Variants in MPHOSPH9 observed in about 807,000 individuals in gnomAD.
MPHOSPH9 encodes M-phase phosphoprotein 9.
MPHOSPH9 carries 88 observed loss-of-function variants against 145.5 expected under a neutral mutation model. The ratio of observed to expected loss-of-function variants is 0.60; its 90% confidence interval spans 0.51 to 0.72. The LOEUF is 0.72. Among genes scored for constraint, MPHOSPH9 ranks in the 30% least tolerant of loss-of-function variants. MPHOSPH9 has a pLI of 0.00. For synonymous variants in MPHOSPH9, 435 were observed against 486.2 expected, an observed-to-expected ratio of 0.89 and a Z score of 1.39; for missense variants, 1,238 against 1,386.6, an observed-to-expected ratio of 0.89 and a Z score of 1.70.
upstream of MPHOSPH9, among the ~76,000 whole-genome samples, chr12:123,236,945 C>T (rs1259191481): frequency 4.0e-5 from 6 of 151,890 alleles, no homozygotes; most frequent in African/African-American, 1.5e-4. Flanking sequence ...ATTAGCCAAG[C>T]GTGGCGGCAT....
At chr12:123,170,793 T>C (rs1487069478) in intron 16 of MPHOSPH9, among the ~76,000 whole-genome samples, 1 of 152,232 alleles carries the variant, frequency 6.6e-6, no homozygotes, top group African/African-American at 2.4e-5. Flanking sequence ...CATGCAACTG[T>C]GGGATTTGGT....
Position 123,156,867 on chromosome 12 carries a change from C to G in MPHOSPH9, c.3492G>C (p.Leu1164=). 6.2e-7 allele frequency: 1 copy of G among 1,611,354 alleles called. No individual in the cohort carries two copies. Among genetic ancestry groups the G allele is most frequent in the Non-Finnish European group, 8.5e-7 (1 of 1,177,900 alleles). The change falls in exon 24 of 24, where the codon CTG becomes CTC. Residue 1164 remains leucine (L), a synonymous_variant. Coordinates refer to ENST00000606320, the MANE Select transcript of MPHOSPH9 (RefSeq NM_022782.4). ...TCTTTAGCGTCATGCGAACTGAACC[C>G]AGTTCTCGATTAATCCTTTCCAAAC... is the stretch of plus-strand genomic sequence containing the variant. ...EDRLERINRE[L]GSVRMTLKKF...
Position 123,179,898 on chromosome 12 carries a change from T to C in MPHOSPH9, c.2354+28A>G, listed in dbSNP as rs747078320. The C allele has an allele frequency of 3.3e-6, 4 of 1,195,042 alleles. No individual in the cohort carries two copies. In the African/African-American group the frequency reaches 6.2e-5, roughly 18 times the overall value. The allele number at this position is 1,195,042 out of a possible 1,614,324, so 74.0% of individuals were successfully genotyped here. A position where few individuals can be genotyped will look rare whatever the true frequency, so the allele number is the denominator to read the frequency against. ...CACATAAAAGAACAATTGAGGTATGTGTACATTAGTAAGTTAATACATTTT... is the reference window on the plus strand; with the variant it reads ...CACATAAAAGAACAATTGAGGTATGCGTACATTAGTAAGTTAATACATTTT... On this transcript the variant is annotated intron_variant, in intron 15 of 23. Transcript: ENST00000606320.
intron 7 of MPHOSPH9, among the ~76,000 whole-genome samples, chr12:123,212,658 C>T (rs544768343): frequency 3.0e-4 from 43 of 144,210 alleles, no homozygotes; most frequent in African/African-American, 1.1e-3. Context: ...TTACAGTAAG[C>T]CGAGATCACA....
chr12:123,227,599 C>T lies in MPHOSPH9; in HGVS notation c.122G>A (p.Ser41Asn). ...TGAGAAAGAGGATACCCCATTTGTA[C>T]TAAGGTGGGGACTACTTCTGTTGAA... ...LNTDRSSPHL[S>N]TNGVSSFSGK... The change falls in exon 3 of 24, where the codon AGT (serine) becomes AAT (asparagine). Residue 41 changes from serine to asparagine, a missense_variant. By Grantham distance (46) the Ser-to-Asn change is conservative. Transcript: ENST00000606320. 6.6e-7 allele frequency: 1 copy of T among 1,524,064 alleles called. No homozygotes were observed. Among genetic ancestry groups the T allele is most frequent in the South Asian group, 1.2e-5 (1 of 82,020 alleles). 94.4% of individuals were successfully genotyped at this position (1,524,064 alleles called of 1,614,324 possible). A position where few individuals can be genotyped will look rare whatever the true frequency, so the allele number is the denominator to read the frequency against.
chr12:123,202,551 C>A, intron 10 of MPHOSPH9, 73 bp downstream of exon 10: 1 of 1,419,296 alleles, frequency 7.0e-7, no homozygotes, highest in East Asian at 2.4e-5. Flanking sequence ...TACTGAAGTT[C>A]AATAAAGATC....
Position 123,156,865 on chromosome 12 carries a change from C to T in MPHOSPH9, c.3494G>A (p.Gly1165Asp), listed in dbSNP as rs1465480535. 1.2e-6 allele frequency: 2 copies of T among 1,611,296 alleles called. No homozygotes were observed. The highest frequency in any genetic ancestry group is 1.7e-5 in the Admixed American group (1 of 60,008). Residue 1165 changes from glycine to aspartate, a missense_variant, in exon 24 of 24, where the codon GGT becomes GAT. Gly to Asp is a moderately conservative substitution (Grantham distance 94, BLOSUM62 -1). Transcript: ENST00000606320. The part of the protein sequence containing the change: ...DRLERINREL[G>D]SVRMTLKKFH... ...TTTCTTTAGCGTCATGCGAACTGAA[C>T]CCAGTTCTCGATTAATCCTTTCCAA... is the stretch of plus-strand genomic sequence containing the variant.
At chr12:123,193,659 T>G (rs1374085078) in intron 13 of MPHOSPH9, among the ~76,000 whole-genome samples, 1 of 152,136 alleles carries the variant, frequency 6.6e-6, no homozygotes, top group Non-Finnish European at 1.5e-5. Flanking sequence ...ATAAGCAACC[T>G]GAAACCTAAT....
intron 1 of MPHOSPH9, among the ~76,000 whole-genome samples, chr12:123,232,195 G>A (rs554044709): frequency 3.0e-4 from 45 of 151,876 alleles, no homozygotes; most frequent in African/African-American, 8.7e-4. Context: ...AAGCTCTCCA[G>A]GGAGATGAAC....
intron 23 of MPHOSPH9, among the ~76,000 whole-genome samples, chr12:123,157,466 TA>T (rs1162022554): frequency 1.3e-5 from 2 of 152,148 alleles, no homozygotes; most frequent in Non-Finnish European, 1.5e-5. Context: ...ACCTGGACTA[TA>T]TATCATTATA....
Position 123,230,394 on chromosome 12 carries a change from T to TAA in MPHOSPH9, c.-31_-30insTT. 1 of 1,373,020 alleles carries TAA rather than the reference T, an allele frequency of 7.3e-7. No homozygotes were observed. Among genetic ancestry groups the TAA allele is most frequent in the Non-Finnish European group, 9.9e-7 (1 of 1,014,000 alleles). 85.1% of individuals were successfully genotyped at this position (1,373,020 alleles called of 1,614,324 possible). ...TACAGAAATTGTTATATTCTCTTAT[T>TAA]GGAAAATAAAGGTTCTTGGGCTGTT... On this transcript the variant is annotated 5_prime_UTR_variant, in exon 2 of 24. The change abolishes the stop of an existing upstream ORF in the 5' untranslated region. Coordinates refer to ENST00000606320, the MANE Select transcript of MPHOSPH9 (RefSeq NM_022782.4).
chr12:123,211,362 C>G (rs2046706031), intron 7 of MPHOSPH9, among the ~76,000 whole-genome samples: 1 of 152,122 alleles, frequency 6.6e-6, no homozygotes, highest in South Asian at 2.1e-4. Context: ...CTCAAGTGAT[C>G]CTCCCGCCCC....
chr12:123,211,684 CTTTTTTTTTT>C (rs147321517), intron 7 of MPHOSPH9, among the ~76,000 whole-genome samples: 3 of 67,770 alleles, frequency 4.4e-5, no homozygotes, highest in Middle Eastern at 0.023. Flanking sequence ...TAGACAATTT[CTTTTTTTTTT>C]TTTTTTTTTT....
intron 12 of MPHOSPH9, 102 bp downstream of exon 12, chr12:123,198,143 TAA>T (rs1244915655): frequency 2.3e-6 from 2 of 871,356 alleles, no homozygotes; most frequent in Non-Finnish European, 3.6e-6. Context: ...ACTAAAAATA[TAA>T]ACTTCATAAG....
At chr12:123,186,457 C>T (rs2045449524) in intron 13 of MPHOSPH9, among the ~76,000 whole-genome samples, 1 of 152,096 alleles carries the variant, frequency 6.6e-6, no homozygotes, top group African/African-American at 2.4e-5. Flanking sequence ...TTGTATCATT[C>T]TTACAATTTT....
intron 8 of MPHOSPH9, among the ~76,000 whole-genome samples, chr12:123,207,546 T>A (rs896906544): frequency 1.3e-5 from 2 of 152,136 alleles, no homozygotes; most frequent in Non-Finnish European, 2.9e-5. Context: ...TACTCTTTCA[T>A]TACCTGATCA....
At chr12:123,227,716 C>T in intron 2 of MPHOSPH9, 100 bp from the exon 3 acceptor site, 1 of 986,760 alleles carries the variant, frequency 1.0e-6, no homozygotes, top group Non-Finnish European at 1.4e-6. Context: ...AAACCACTGA[C>T]ATTTAATCCT....
chr12:123,188,823 G>A (rs1166061960), intron 13 of MPHOSPH9, among the ~76,000 whole-genome samples: 1 of 152,168 alleles, frequency 6.6e-6, no homozygotes, highest in Non-Finnish European at 1.5e-5. Context: ...ACTCCTGCCT[G>A]GGCAACAAAA....
chr12:123,217,287 T>G (rs2047010084), intron 6 of MPHOSPH9, among the ~76,000 whole-genome samples: 3 of 151,792 alleles, frequency 2.0e-5, no homozygotes, highest in Admixed American at 1.3e-4. Context: ...AACCTCTGTC[T>G]CCCCAGTTCA....
Sources: allele counts gnomAD v4.1 joint callset (sites outside exome capture counted in the v4.1 genomes callset), GRCh38; gene constraint gnomAD v4.1.1; transcripts MANE v1.5; gene names NCBI Gene and HGNC (gene_info 2026-07-23, HGNC 2026-07-21).